AKT1: variants seen among roughly 807,000 people sequenced by gnomAD.
AKT1 encodes RAC-alpha serine/threonine-protein kinase.
A neutral mutation model predicts 63.1 loss-of-function variants in AKT1; 21 were observed. The ratio of observed to expected loss-of-function variants is 0.33; its 90% CI spans 0.24 to 0.48. AKT1 has a LOEUF of 0.48. Among genes scored for constraint, AKT1 ranks in the 20% least tolerant of loss-of-function variants. The pLI is 0.99. For missense variants in AKT1, 382 were observed against 666.0 expected, an observed-to-expected ratio of 0.57 and a Z score of 4.69; for synonymous variants, 257 against 253.1, an observed-to-expected ratio of 1.02 and a Z score of -0.15.
chr14:104,776,006 AGCCC>A, intron 5 of AKT1: 1 of 570,770 alleles, frequency 1.8e-6, no homozygotes, highest in East Asian at 3.2e-5. Context: ...ACCCAGGCTT[AGCCC>A]CCCAGCAGGA....
In AKT1 at chr14:104,772,531, T is replaced by C. The variant is rs775884848; in HGVS notation, c.1173-79A>G. The C allele has an allele frequency of 1.1e-5, 16 of 1,423,578 alleles. No individual in the cohort carries two copies. In the Admixed American group the frequency reaches 2.1e-4, roughly 19 times the overall value. 88.2% of individuals were successfully genotyped at this position (1,423,578 alleles called of 1,614,324 possible). ...GGGTTCAGGCCCCTTCCTCCTGTGA[T>C]GTAGGGCCCGCCAGACAGGACGTTC... On this transcript the variant is annotated intron_variant, in intron 12 of 14. Transcript: ENST00000649815.
In AKT1 at chr14:104,792,739, A is replaced by G; in HGVS notation, c.-79-17T>C. 4 of 1,493,020 alleles carry G rather than the reference A, an allele frequency of 2.7e-6. No homozygotes were observed. Among genetic ancestry groups the G allele is most frequent in the Non-Finnish European group, 3.7e-6 (4 of 1,083,424 alleles). The allele number at this position is 1,493,020 out of a possible 1,614,324, so 92.5% of individuals were successfully genotyped here. On this transcript the variant is annotated splice_polypyrimidine_tract_variant and intron_variant, in intron 2 of 14. Coordinates refer to ENST00000649815, the MANE Select transcript of AKT1 (RefSeq NM_001382430.1). ...CCACAGCCTCTGGGAGAAGCAAAGG[A>G]AGCTGAATGTGAGGCCACGCCTGGC...
At chr14:104,788,949 G>A (rs369677980) in intron 3 of AKT1, among the ~76,000 whole-genome samples, 5 of 152,192 alleles carry the variant, frequency 3.3e-5, no homozygotes, top group Non-Finnish European at 5.9e-5. Flanking sequence ...CGTGTCACCC[G>A]GGCCCGGCCA....
At chr14:104,775,521 A>G in intron 6 of AKT1, 131 bp downstream of exon 6, 1 of 1,345,918 alleles carries the variant, frequency 7.4e-7, no homozygotes, top group Non-Finnish European at 1.0e-6. Context: ...CCCTACATGG[A>G]AAACCGGCCT....
intron 9 of AKT1, 115 bp from the exon 10 acceptor site, chr14:104,773,695 C>A: frequency 2.1e-6 from 3 of 1,446,150 alleles, no homozygotes; most frequent in Non-Finnish European, 2.8e-6. Context: ...GGACCAGCCA[C>A]CAGAGGGCAC....
chr14:104,770,699 T>A, intron 14 of AKT1, 46 bp downstream of exon 14: 1 of 1,510,256 alleles, frequency 6.6e-7, no homozygotes, highest in South Asian at 1.1e-5. Flanking sequence ...CCTCTCTGAG[T>A]GTGGAGAGAA....
chr14:104,776,037 G>A lies in AKT1; in HGVS notation c.288-238C>T, dbSNP rs12897418. 0.096 allele frequency: 44,001 copies of A among 456,104 alleles called. 2,641 individuals carry two copies. Among genetic ancestry groups the A allele is most frequent in the Non-Finnish European group, 0.12 (29,528 of 256,312 alleles). 28.3% of individuals were successfully genotyped at this position (456,104 alleles called of 1,614,324 possible). On this transcript the variant is annotated intron_variant, in intron 5 of 14. Coordinates refer to ENST00000649815, the MANE Select transcript of AKT1 (RefSeq NM_001382430.1). Reference sequence around the variant, plus strand: ...CCAGCAGGACTCTGTCCCCACAACCGGACTCCAACCCCCAGCAGGACTCCG... The same window carrying A: ...CCAGCAGGACTCTGTCCCCACAACCAGACTCCAACCCCCAGCAGGACTCCG...
chr14:104,786,728 G>A (rs1255215458), intron 3 of AKT1, among the ~76,000 whole-genome samples: 1 of 152,124 alleles, frequency 6.6e-6, no homozygotes, highest in East Asian at 1.9e-4. Flanking sequence ...GCTGTGGAGG[G>A]TGCTCCTTCT....
At chr14:104,775,858 C>T (rs896243197) in intron 5 of AKT1, 59 bp from the exon 6 acceptor site, 2 of 1,567,946 alleles carry the variant, frequency 1.3e-6, no homozygotes, top group African/African-American at 2.7e-5. Flanking sequence ...CACCCCACGT[C>T]TTTCACCCAC....
At chr14:104,776,892 C>T (rs1355072631) in intron 4 of AKT1, 122 bp from the exon 5 acceptor site, 4 of 722,136 alleles carry the variant, frequency 5.5e-6, no homozygotes, top group African/African-American at 1.8e-5. Context: ...TGGGAAGCCC[C>T]ATCTCTTCCT....
At chr14:104,787,349 G>A (rs542386943) in intron 3 of AKT1, among the ~76,000 whole-genome samples, 4 of 152,186 alleles carry the variant, frequency 2.6e-5, no homozygotes, top group African/African-American at 7.2e-5. Context: ...GCGCTGGGCT[G>A]GGGGAACCTT....
intron 13 of AKT1, chr14:104,771,633 G>A (rs1432380129): frequency 4.3e-6 from 1 of 233,474 alleles, no homozygotes; most frequent in Non-Finnish European, 8.5e-6. Flanking sequence ...GCCCAGCTGG[G>A]TCCCAGGGCT....
chr14:104,781,983 T>C (rs1378583850), intron 3 of AKT1, among the ~76,000 whole-genome samples: 2 of 152,182 alleles, frequency 1.3e-5, no homozygotes, highest in South Asian at 4.1e-4. Flanking sequence ...CCTGCCACCC[T>C]TGGGTGCCGG....
intron 13 of AKT1, 109 bp from the exon 14 acceptor site, chr14:104,770,956 G>A (rs998679491): frequency 2.7e-4 from 259 of 958,590 alleles, no homozygotes; most frequent in Admixed American, 5.1e-4. Context: ...GGGGTCTCCA[G>A]GCAGGACTGA....
intron 4 of AKT1, chr14:104,777,803 C>G: frequency 1.1e-6 from 1 of 925,188 alleles, no homozygotes; most frequent in Non-Finnish European, 1.3e-6. Context: ...AGCTGTCTTC[C>G]AGGCCTGGGG....
rs3730344 is a variant in AKT1, at chr14:104,775,239, G to A, written c.436-32C>T. On this transcript the variant is annotated intron_variant, in intron 6 of 14. Transcript: ENST00000649815. Reference sequence around the variant, plus strand: ...GCAGGCACCAGGGTCAGCAAGCGGCGCTGCCAACAGTGCCCAGCTGGTCGG... The same window carrying A: ...GCAGGCACCAGGGTCAGCAAGCGGCACTGCCAACAGTGCCCAGCTGGTCGG... 0.021 allele frequency: 33,487 copies of A among 1,611,036 alleles called. 3,085 individuals carry two copies. The African/African-American group carries it at 0.27, about 13-fold the overall frequency.
At chr14:104,791,694 C>G (rs1219765486) in intron 3 of AKT1, among the ~76,000 whole-genome samples, 1 of 152,250 alleles carries the variant, frequency 6.6e-6, no homozygotes, top group Non-Finnish European at 1.5e-5. Flanking sequence ...TGTTTGGGGT[C>G]TCCCCACTAC....
At chr14:104,779,506 G>A (rs994182995) in intron 4 of AKT1, among the ~76,000 whole-genome samples, 9 of 152,232 alleles carry the variant, frequency 5.9e-5, no homozygotes, top group African/African-American at 1.9e-4. Flanking sequence ...GGCCCCCGGG[G>A]CAGCTGTCCA....
At chr14:104,775,521 A>T in intron 6 of AKT1, 131 bp downstream of exon 6, 1 of 1,345,918 alleles carries the variant, frequency 7.4e-7, no homozygotes, top group Non-Finnish European at 1.0e-6. Flanking sequence ...CCCTACATGG[A>T]AAACCGGCCT....
Sources: allele counts gnomAD v4.1 joint callset (sites outside exome capture counted in the v4.1 genomes callset), GRCh38; gene constraint gnomAD v4.1.1; transcripts MANE v1.5; gene names NCBI Gene and HGNC (gene_info 2026-07-23, HGNC 2026-07-21).